The following ATR variants were observed in gnomAD, a reference collection of about 807,000 sequenced individuals.
ATR encodes the protein serine/threonine-protein kinase ATR.
ATR carries 142 observed loss-of-function variants against 305.3 expected under a neutral mutation model. The ratio of observed to expected loss-of-function variants is 0.47; its 90% CI spans 0.41 to 0.53. The LOEUF (loss-of-function observed/expected upper bound fraction) is 0.53. ATR is among the 20% of genes least tolerant of loss of function. ATR has a pLI of 0.00. For synonymous variants in ATR, 1,050 were observed against 1,068.1 expected, an observed-to-expected ratio of 0.98 and a Z score of 0.33; for missense variants, 2,135 against 3,133.1, an observed-to-expected ratio of 0.68 and a Z score of 7.60.
intron 46 of ATR, chr3:142,450,848 T>C: frequency 7.4e-7 from 1 of 1,355,616 alleles, no homozygotes; most frequent in African/African-American, 1.5e-5. Context: ...TTGCCATTTC[T>C]GGAAGTGTTC....
intron 24 of ATR, 124 bp from the exon 25 acceptor site, chr3:142,515,639 CT>C: frequency 6.5e-6 from 7 of 1,083,418 alleles, no homozygotes; most frequent in Non-Finnish European, 6.7e-6. Flanking sequence ...ATCTGCTTAC[CT>C]TTTTCCAGTA....
chr3:142,535,082 G>A lies in ATR; in HGVS notation c.3943C>T (p.Gln1315Ter), dbSNP rs2108424243. The change falls in exon 21 of 47, where the codon CAG becomes TAG. Residue 1315 changes from glutamine to a stop codon, truncating the protein, a stop_gained and splice_region_variant. Transcript: ENST00000350721. LOFTEE classifies it high-confidence loss of function. ...TTAATTATATCATATTAGCATACCT[G>A]ATTTTTATACAAGGTTTCCTTCAAG... is the stretch of plus-strand genomic sequence containing the variant. ...TSLKETLYKN[Q>*]EKLIKYATDS... is the part of the protein sequence containing the mutation. 1 of 1,611,428 alleles carries A rather than the reference G, an allele frequency of 6.2e-7. No homozygotes were observed. The highest frequency in any genetic ancestry group is 8.5e-7 in the Non-Finnish European group (1 of 1,178,180).
chr3:142,570,453 C>G (rs376035841), intron 1 of ATR, among the ~76,000 whole-genome samples: 1 of 152,198 alleles, frequency 6.6e-6, no homozygotes, highest in South Asian at 2.1e-4. Context: ...ATGGCGCGAT[C>G]TCAGCTCACC....
chr3:142,468,997 G>GA (rs1159308391), intron 38 of ATR, among the ~76,000 whole-genome samples: 13 of 151,410 alleles, frequency 8.6e-5, no homozygotes, highest in Admixed American at 5.9e-4. Context: ...TTTCTTAAGG[G>GA]AAAAAAAATA....
At chr3:142,501,934 A>T (rs533927632) in intron 30 of ATR, among the ~76,000 whole-genome samples, 1 of 152,232 alleles carries the variant, frequency 6.6e-6, no homozygotes, top group East Asian at 1.9e-4. Context: ...TTTAGTAGAG[A>T]TGGGGTTTTA....
intron 46 of ATR, chr3:142,450,973 C>T: frequency 8.2e-7 from 1 of 1,213,984 alleles, no homozygotes; most frequent in East Asian, 5.3e-5. Flanking sequence ...GAATCTGACA[C>T]TCAAAATCAG....
intron 16 of ATR, among the ~76,000 whole-genome samples, chr3:142,542,966 T>C (rs2034110911): frequency 6.6e-6 from 1 of 152,196 alleles, no homozygotes; most frequent in Non-Finnish European, 1.5e-5. Flanking sequence ...GAATGATTTA[T>C]AGTCACCACG....
At chr3:142,545,337 A>G (rs2108446895) in intron 16 of ATR, among the ~76,000 whole-genome samples, 1 of 150,912 alleles carries the variant, frequency 6.6e-6, no homozygotes, top group African/African-American at 2.5e-5. Context: ...CTTGAAATCT[A>G]AAGAATGAGA....
intron 36 of ATR, among the ~76,000 whole-genome samples, chr3:142,474,900 T>A (rs537834620): frequency 1.3e-5 from 2 of 152,070 alleles, no homozygotes; most frequent in Non-Finnish European, 2.9e-5. Flanking sequence ...ATTCCTTCTA[T>A]ACATATTTTT....
Position 142,507,976 on chromosome 3 carries a change from A to C in ATR, c.4986T>G (p.Ile1662Met). 1 of 1,613,576 alleles carries C rather than the reference A, an allele frequency of 6.2e-7. No homozygotes were observed. Among genetic ancestry groups the C allele is most frequent in the Non-Finnish European group, 8.5e-7 (1 of 1,179,586 alleles). ...TRAVMHFESF[I>M]TEKKQNIQEH... is the part of the protein sequence containing the mutation. ...CCTGAATATTTTGCTTCTTTTCTGTAATAAATGATTCAAAGTGCATTACAG... is the reference window on the plus strand; with the variant it reads ...CCTGAATATTTTGCTTCTTTTCTGTCATAAATGATTCAAAGTGCATTACAG... The change falls in exon 28 of 47, where the codon ATT becomes ATG. Residue 1662 changes from isoleucine to methionine, a missense_variant. Ile to Met is a conservative substitution (Grantham distance 10). Transcript: ENST00000350721.
chr3:142,520,020 A>G (rs1402106574), intron 23 of ATR, among the ~76,000 whole-genome samples: 2 of 152,142 alleles, frequency 1.3e-5, no homozygotes, highest in South Asian at 4.1e-4. Context: ...CCAACAACAT[A>G]TGCTCACTTC....
intron 41 of ATR, among the ~76,000 whole-genome samples, chr3:142,463,433 G>A (rs1189882892): frequency 2.6e-5 from 4 of 152,158 alleles, no homozygotes; most frequent in Non-Finnish European, 4.4e-5. Flanking sequence ...ATCTCACTCT[G>A]TCACCCAGGC....
In ATR at chr3:142,462,107, A is replaced by T. The variant is rs1236231166; in HGVS notation, c.7042-17T>A. ...TCTTAAGCACTGTTAAAAAATACAC[A>T]TAAATTTAAAAACAAGATAGAACTC... On this transcript the variant is annotated splice_polypyrimidine_tract_variant and intron_variant, in intron 41 of 46. Transcript: ENST00000350721. The T allele has an allele frequency of 6.2e-7, 1 of 1,605,022 alleles. No individual in the cohort carries two copies. The highest frequency in any genetic ancestry group is 8.5e-7 in the Non-Finnish European group (1 of 1,174,832).
chr3:142,488,225 T>A (rs1177172484), intron 35 of ATR, among the ~76,000 whole-genome samples: 1 of 152,218 alleles, frequency 6.6e-6, no homozygotes, highest in Non-Finnish European at 1.5e-5. Flanking sequence ...GGTCCTTTCC[T>A]ACAAATTTAG....
chr3:142,509,506 C>T (rs2032434039), intron 27 of ATR, among the ~76,000 whole-genome samples: 1 of 147,648 alleles, frequency 6.8e-6, no homozygotes, highest in Non-Finnish European at 1.5e-5. Context: ...AAATAAGGTC[C>T]TTATTTCCAT....
At chr3:142,577,295 C>T (rs1450631790) in intron 1 of ATR, among the ~76,000 whole-genome samples, 1 of 152,102 alleles carries the variant, frequency 6.6e-6, no homozygotes, top group African/African-American at 2.4e-5. Context: ...ACAGGACTCA[C>T]GGAGGAAGAC....
rs546504451 is a variant in ATR, at chr3:142,533,518, A to C, written c.3945+1562T>G. 7.9e-5 allele frequency among the ~76,000 whole-genome samples: 12 copies of C among 152,286 alleles called. No individual in the cohort carries two copies. In the South Asian group the frequency reaches 2.5e-3, roughly 32 times the overall value. ...TCAACTTTAATGCTATCTTCTTGCC[A>C]CAGTTGGGAAAAAACCCATTTCCTT... On this transcript the variant is annotated intron_variant, in intron 21 of 46. Transcript: ENST00000350721.
At position 142,524,651 on chromosome 3, in the gene ATR, A is replaced by G. The variant is rs115339401; in HGVS notation, c.3946-452T>C. 4.0e-3 allele frequency among the ~76,000 whole-genome samples: 606 copies of G among 152,314 alleles called. 5 individuals carry two copies. The highest frequency in any genetic ancestry group is 0.013 in the African/African-American group (542 of 41,582). ...GACAGATATTTCAGTAGATAAGTGG[A>G]GGAGCAACTATTAGGTTAAAACAAG... On this transcript the variant is annotated intron_variant, in intron 21 of 46. Coordinates refer to ENST00000350721, the MANE Select transcript of ATR (RefSeq NM_001184.4).
chr3:142,535,217 GCA>G lies in ATR; in HGVS notation c.3820-14_3820-13del, dbSNP rs1487030810. The G allele has an allele frequency of 1.2e-6, 2 of 1,612,516 alleles. No homozygotes were observed. Among genetic ancestry groups the G allele is most frequent in the East Asian group, 4.5e-5 (2 of 44,758 alleles). Reference sequence around the variant, plus strand: ...CTCTCAGAGGTCTCCTATATACAAAGCACAGAGAGACAGAACTTATTAATCAA... The same window carrying G: ...CTCTCAGAGGTCTCCTATATACAAAGCAGAGAGACAGAACTTATTAATCAA... On this transcript the variant is annotated splice_polypyrimidine_tract_variant and intron_variant, in intron 20 of 46. Transcript: ENST00000350721.
Sources: allele counts gnomAD v4.1 joint callset (sites outside exome capture counted in the v4.1 genomes callset), GRCh38; gene constraint gnomAD v4.1.1; transcripts MANE v1.5; gene names NCBI Gene and HGNC (gene_info 2026-07-23, HGNC 2026-07-21).